Variants in ZFYVE9 observed in about 807,000 individuals in gnomAD.
The protein encoded by ZFYVE9 is zinc finger FYVE-type containing 9, also known as zinc finger FYVE domain-containing protein 9.
Under a neutral mutation model 126.7 loss-of-function variants are expected in ZFYVE9, and 43 were observed. The observed-to-expected ratio is 0.34, with a 90% confidence interval of 0.27 to 0.44. ZFYVE9 has a LOEUF of 0.44. ZFYVE9 is among the 20% of genes least tolerant of loss of function. ZFYVE9 has a pLI of 1.00. For synonymous variants in ZFYVE9, 521 were observed against 597.4 expected (o/e 0.87, Z 1.87); for missense variants, 1,476 against 1,697.0 (o/e 0.87, Z 2.29).
intron 12 of ZFYVE9, among the ~76,000 whole-genome samples, chr1:52,298,364 T>G (rs562743923): frequency 6.6e-6 from 1 of 152,216 alleles, no homozygotes; most frequent in Non-Finnish European, 1.5e-5. Flanking sequence ...CTTCTGCATG[T>G]GGATATATCC....
At position 52,337,907 on chromosome 1, in the gene ZFYVE9, T is replaced by A; in HGVS notation, c.3806T>A (p.Val1269Glu). 1.2e-6 allele frequency: 2 copies of A among 1,614,120 alleles called. No individual in the cohort carries two copies. The highest frequency in any genetic ancestry group is 2.2e-5 in the South Asian group (2 of 91,074). Residue 1269 changes from valine to glutamate, a missense_variant, in exon 16 of 19, where the codon GTG (valine) becomes GAG (glutamate). Transcript: ENST00000287727. ...EPQEHIHIQW[V>E]DDDKNVSKGV... ...CAGGAGCACATCCACATCCAGTGGG[T>A]GGATGATGACAAGAACGTTAGCAAG...
intron 1 of ZFYVE9, among the ~76,000 whole-genome samples, chr1:52,158,834 C>T (rs1644427752): frequency 6.6e-6 from 1 of 151,704 alleles, no homozygotes; most frequent in Admixed American, 6.6e-5. Flanking sequence ...ACTGAGTCAC[C>T]CAGGTTGGAG....
chr1:52,339,342 C>T (rs1292615605), intron 16 of ZFYVE9, among the ~76,000 whole-genome samples: 1 of 151,198 alleles, frequency 6.6e-6, no homozygotes, highest in African/African-American at 2.4e-5. Flanking sequence ...GGCTGGAGTA[C>T]AGTGGTGCGA....
At chr1:52,212,451 T>A (rs1254531417) in intron 1 of ZFYVE9, among the ~76,000 whole-genome samples, 2 of 152,068 alleles carry the variant, frequency 1.3e-5, no homozygotes, top group Non-Finnish European at 2.9e-5. Context: ...TGGCCAGATT[T>A]ATGATTTTAG....
At chr1:52,176,382 C>T (rs950075058) in intron 1 of ZFYVE9, among the ~76,000 whole-genome samples, 8 of 152,118 alleles carry the variant, frequency 5.3e-5, no homozygotes, top group African/African-American at 7.2e-5. Context: ...AGTACCCGGC[C>T]GTGTGAGGTG....
chr1:52,177,130 T>A (rs1557439419), intron 1 of ZFYVE9, among the ~76,000 whole-genome samples: 2 of 151,170 alleles, frequency 1.3e-5, no homozygotes, highest in Non-Finnish European at 2.9e-5. Flanking sequence ...TATTTGGCCA[T>A]CTTGGCTCCC....
intron 1 of ZFYVE9, among the ~76,000 whole-genome samples, chr1:52,189,676 GGTT>G (rs1204597297): frequency 3.7e-5 from 3 of 81,074 alleles, no homozygotes; most frequent in African/African-American, 8.5e-5. Flanking sequence ...CTTGGCCTTA[GGTT>G]GTTTTTTTTT....
At chr1:52,273,696 C>T (rs530923697) in intron 7 of ZFYVE9, among the ~76,000 whole-genome samples, 40 of 151,802 alleles carry the variant, frequency 2.6e-4, no homozygotes, top group Admixed American at 6.6e-5. Context: ...GGCGTGGTGG[C>T]ACGCACCTGT....
intron 2 of ZFYVE9, among the ~76,000 whole-genome samples, chr1:52,217,499 C>T (rs190750501): frequency 1.4e-3 from 215 of 152,166 alleles, no homozygotes; most frequent in African/African-American, 4.7e-3. Flanking sequence ...TATCAAGGTG[C>T]GAGAGCTTAT....
Position 52,278,520 on chromosome 1 carries a change from G to C in ZFYVE9, c.2775G>C (p.Gln925His). ...ATGCTGTGGAAGAGAAACCATCACA[G>C]ATTTCAGTAATGCAGCAGTTGGAGG... ...GDYAVEEKPS[Q>H]ISVMQQLEDG... The change falls in exon 9 of 19, where the codon CAG becomes CAC. Residue 925 changes from glutamine to histidine, a missense_variant. By Grantham distance (24) the Gln-to-His change is conservative. Coordinates refer to ENST00000287727, the MANE Select transcript of ZFYVE9 (RefSeq NM_004799.4). 1.1e-5 allele frequency: 18 copies of C among 1,613,950 alleles called. No individual in the cohort carries two copies. The highest frequency in any genetic ancestry group is 1.5e-5 in the Non-Finnish European group (18 of 1,179,938).
At chr1:52,180,411 G>C in intron 1 of ZFYVE9, 1 of 1,481,958 alleles carries the variant, frequency 6.7e-7, no homozygotes, top group South Asian at 1.1e-5. Flanking sequence ...GACAAGAGAT[G>C]AGTTGCAGTG....
chr1:52,228,612 A>G (rs6702080), intron 2 of ZFYVE9, among the ~76,000 whole-genome samples: 29,140 of 152,146 alleles, frequency 0.19, 4,808 homozygotes, highest in African/African-American at 0.45. Flanking sequence ...ACAACACAAC[A>G]CTTCTTCCCT....
At chr1:52,275,630 C>T (rs1645740613) in intron 8 of ZFYVE9, among the ~76,000 whole-genome samples, 1 of 152,018 alleles carries the variant, frequency 6.6e-6, no homozygotes, top group African/African-American at 2.4e-5. Context: ...TTGCATTTCT[C>T]TGATGATTAG....
intron 13 of ZFYVE9, among the ~76,000 whole-genome samples, chr1:52,329,791 G>A (rs958804852): frequency 1.3e-4 from 20 of 152,142 alleles, no homozygotes; most frequent in African/African-American, 4.6e-4. Context: ...TGTAATCCCA[G>A]CTACTCGGGA....
chr1:52,263,752 T>TGGGGGGGGG, intron 4 of ZFYVE9, 21 bp from the exon 5 acceptor site: 2 of 975,006 alleles, frequency 2.1e-6, no homozygotes, highest in Non-Finnish European at 2.9e-6. Context: ...TTGTGTGTTC[T>TGGGGGGGGG]TCCCCCCCCC....
intron 13 of ZFYVE9, among the ~76,000 whole-genome samples, chr1:52,306,997 C>A (rs781107703): frequency 1.3e-5 from 2 of 152,174 alleles, no homozygotes; most frequent in Admixed American, 1.3e-4. Flanking sequence ...GCTGAGTGGC[C>A]GGAACAAGCC....
At chr1:52,280,214 CAAAAA>C (rs747397812) in intron 9 of ZFYVE9, among the ~76,000 whole-genome samples, 1 of 82,054 alleles carries the variant, frequency 1.2e-5, no homozygotes. Flanking sequence ...TCATCCCTAC[CAAAAA>C]AAAAAAAAAA....
At chr1:52,164,037 C>T (rs946209689) in intron 1 of ZFYVE9, among the ~76,000 whole-genome samples, 4 of 151,132 alleles carry the variant, frequency 2.6e-5, no homozygotes, top group Non-Finnish European at 5.9e-5. Flanking sequence ...CTGCAACCCC[C>T]GCCTCCTAGG....
At chr1:52,174,869 C>T (rs1412927767) in intron 1 of ZFYVE9, among the ~76,000 whole-genome samples, 1 of 152,064 alleles carries the variant, frequency 6.6e-6, no homozygotes, top group African/African-American at 2.4e-5. Context: ...AGATCTTCCT[C>T]CATCCTTTTA....
Sources: gnomAD v4.1 joint callset for allele counts (sites outside exome capture counted in the v4.1 genomes callset) on GRCh38, gnomAD v4.1.1 for gene constraint, MANE v1.5 for transcripts, NCBI Gene and HGNC (gene_info 2026-07-23, HGNC 2026-07-21) for gene names.